Variants in PAIP2 observed in about 807,000 individuals in gnomAD.
PAIP2 encodes polyadenylate-binding protein-interacting protein 2.
A neutral mutation model predicts 14.8 loss-of-function variants in PAIP2; 7 were observed. The observed-to-expected ratio is 0.47, with a 90% CI of 0.27 to 0.89. The LOEUF (loss-of-function observed/expected upper bound fraction) is 0.89, where lower values mean the gene tolerates loss of function less well. Ranked by LOEUF, PAIP2 falls within the 40% of genes least tolerant of loss-of-function variation. PAIP2 has a pLI of 0.13. For missense variants in PAIP2, 122 were observed against 154.7 expected (o/e 0.79, Z 1.12); for synonymous variants, 47 against 45.3 (o/e 1.04, Z -0.15).
intron 1 of PAIP2, among the ~76,000 whole-genome samples, chr5:139,356,109 G>A (rs987787180): frequency 1.3e-5 from 2 of 151,716 alleles, no homozygotes; most frequent in African/African-American, 4.9e-5. Flanking sequence ...TTGCACTCCA[G>A]CCTGGGTGAC....
rs1756561868 is a variant in PAIP2, at chr5:139,346,695, CTA to C, written c.-27+4716_-27+4717del. Among the ~76,000 whole-genome samples the C allele has an allele frequency of 2.0e-5, 3 of 150,582 alleles. No individual in the cohort carries two copies. In the South Asian group the frequency reaches 6.3e-4, roughly 32 times the overall value. On this transcript the variant is annotated intron_variant, in intron 1 of 3. Coordinates refer to ENST00000265192, the MANE Select transcript of PAIP2 (RefSeq NM_016480.5). ...TACAAGCGTGCACCTCCATGTCCAG[CTA>C]ATTTTTGCATTTTTAGAGACGGGGT...
chr5:139,354,543 T>G lies in PAIP2; in HGVS notation c.-26-9216T>G, dbSNP rs569454231. Among the ~76,000 whole-genome samples the G allele has an allele frequency of 1.5e-4, 23 of 152,298 alleles. No homozygotes were observed. The Middle Eastern group carries it at 0.01, about 68-fold the overall frequency. ...AATTGAGCTTCTTAGATACATAGATTTGTGTCTTTTTATCAAATTTGGGGA... is the reference window on the plus strand; with the variant it reads ...AATTGAGCTTCTTAGATACATAGATGTGTGTCTTTTTATCAAATTTGGGGA... On this transcript the variant is annotated intron_variant, in intron 1 of 3. Coordinates refer to ENST00000265192, the MANE Select transcript of PAIP2 (RefSeq NM_016480.5).
rs1276608708 is a variant in PAIP2, at chr5:139,341,864, A to C, written c.-143A>C. On this transcript the variant is annotated 5_prime_UTR_variant, in exon 1 of 4. Coordinates refer to ENST00000265192, the MANE Select transcript of PAIP2 (RefSeq NM_016480.5). The stretch of plus-strand genomic sequence containing the variant: ...CTTCCGGGCTGGGGTGTTTGTTTGG[A>C]CTGGAGAAGGGAGGCGGCGGGCGAA... The C allele has an allele frequency of 6.6e-6, 1 of 152,658 alleles. No homozygotes were observed. Among genetic ancestry groups the C allele is most frequent in the African/African-American group, 2.4e-5 (1 of 41,378 alleles). 9.5% of individuals were successfully genotyped at this position (152,658 alleles called of 1,614,324 possible).
intron 3 of PAIP2, among the ~76,000 whole-genome samples, chr5:139,368,245 C>G (rs1757410796): frequency 1.3e-5 from 2 of 151,582 alleles, no homozygotes; most frequent in African/African-American, 4.8e-5. Context: ...GGATGAGAGA[C>G]AGGAGAATGG....
chr5:139,352,758 A>G (rs1756785611), intron 1 of PAIP2, among the ~76,000 whole-genome samples: 1 of 151,028 alleles, frequency 6.6e-6, no homozygotes, highest in Non-Finnish European at 1.5e-5. Context: ...GGCATGAGCC[A>G]CCACGCCCAG....
chr5:139,358,194 A>G (rs1756971646), intron 1 of PAIP2, among the ~76,000 whole-genome samples: 1 of 152,170 alleles, frequency 6.6e-6, no homozygotes, highest in Non-Finnish European at 1.5e-5. Context: ...ACTGTTCACT[A>G]GTTGTGTAAC....
chr5:139,366,576 ATTAC>A (rs1205045444), intron 3 of PAIP2, among the ~76,000 whole-genome samples: 1 of 152,156 alleles, frequency 6.6e-6, no homozygotes, highest in Non-Finnish European at 1.5e-5. Context: ...GGGGGGTATG[ATTAC>A]TTACGGCTAC....
intron 3 of PAIP2, among the ~76,000 whole-genome samples, chr5:139,368,253 T>C (rs1212230302): frequency 6.6e-6 from 1 of 151,520 alleles, no homozygotes; most frequent in Non-Finnish European, 1.5e-5. Flanking sequence ...GACAGGAGAA[T>C]GGTGTGAACC....
At chr5:139,359,255 G>C (rs575545963) in intron 1 of PAIP2, among the ~76,000 whole-genome samples, 1 of 152,270 alleles carries the variant, frequency 6.6e-6, no homozygotes, top group South Asian at 2.1e-4. Context: ...TCCTGCCTCA[G>C]CCTCCTGTGT....
At position 139,343,136 on chromosome 5, in the gene PAIP2, A is replaced by T. The variant is rs1195302907; in HGVS notation, c.-27+1156A>T. ...GCAATAAGTAAAAGTTCTCTACAATAATTTTTAATGAGACTCCACTATTTG... is the reference window on the plus strand; with the variant it reads ...GCAATAAGTAAAAGTTCTCTACAATTATTTTTAATGAGACTCCACTATTTG... On this transcript the variant is annotated intron_variant, in intron 1 of 3. Transcript: ENST00000265192. 2.0e-5 allele frequency: 3 copies of T among 152,192 alleles called. No homozygotes were observed. In the East Asian group the frequency reaches 5.8e-4, roughly 29 times the overall value. 9.4% of individuals were successfully genotyped at this position (152,192 alleles called of 1,614,324 possible).
At chr5:139,366,217 A>AAAAAAAAAAAAAG (rs1757242232) in intron 3 of PAIP2, among the ~76,000 whole-genome samples, 1 of 151,662 alleles carries the variant, frequency 6.6e-6, no homozygotes, top group Non-Finnish European at 1.5e-5. Flanking sequence ...AAAAAAAAAA[A>AAAAAAAAAAAAAG]AAAAAAAGCG....
In PAIP2 at chr5:139,347,058, C is replaced by G. The variant is rs539002980; in HGVS notation, c.-27+5078C>G. 2.0e-5 allele frequency among the ~76,000 whole-genome samples: 3 copies of G among 152,290 alleles called. No homozygotes were observed. The South Asian group carries it at 6.2e-4, about 32-fold the overall frequency. On this transcript the variant is annotated intron_variant, in intron 1 of 3. Coordinates refer to ENST00000265192, the MANE Select transcript of PAIP2 (RefSeq NM_016480.5). ...TCCTCACCTCAAGTGATCCACCTCC[C>G]TTGGCCTCCTAAAGTGCTAGGATTA...
chr5:139,357,412 A>G (rs889524744), intron 1 of PAIP2, among the ~76,000 whole-genome samples: 1 of 152,144 alleles, frequency 6.6e-6, no homozygotes, highest in African/African-American at 2.4e-5. Context: ...CGTTATTGCT[A>G]CTATATTTAC....
chr5:139,346,322 A>C (rs950247903), intron 1 of PAIP2, among the ~76,000 whole-genome samples: 2 of 152,056 alleles, frequency 1.3e-5, no homozygotes, highest in African/African-American at 4.8e-5. Context: ...GCTCACTGCA[A>C]CCTCCGCCTC....
intron 3 of PAIP2, 53 bp downstream of exon 3, chr5:139,364,796 G>A (rs576665809): frequency 1.7e-6 from 2 of 1,181,156 alleles, no homozygotes; most frequent in Non-Finnish European, 1.2e-6. Flanking sequence ...TTGCATAAGT[G>A]GAAAAGCCAG....
chr5:139,354,441 T>C (rs1252673219), intron 1 of PAIP2, among the ~76,000 whole-genome samples: 2 of 152,194 alleles, frequency 1.3e-5, no homozygotes, highest in African/African-American at 4.8e-5. Context: ...GTTTTCAAGA[T>C]GCTCTCTTTG....
chr5:139,359,997 C>T lies in PAIP2; in HGVS notation c.-26-3762C>T, dbSNP rs555871292. On this transcript the variant is annotated intron_variant, in intron 1 of 3. Coordinates refer to ENST00000265192, the MANE Select transcript of PAIP2 (RefSeq NM_016480.5). ...TTTTCTTTTTTTTGAGATGTAGTCGCGCTCTGTTGCCCAGGCCAGAGTGCA... is the reference window on the plus strand; with the variant it reads ...TTTTCTTTTTTTTGAGATGTAGTCGTGCTCTGTTGCCCAGGCCAGAGTGCA... Among the ~76,000 whole-genome samples, 14 of 152,120 alleles carry T rather than the reference C, an allele frequency of 9.2e-5. No individual in the cohort carries two copies. The East Asian group carries it at 1.2e-3, about 13-fold the overall frequency.
chr5:139,360,013 C>T (rs773390332), intron 1 of PAIP2, among the ~76,000 whole-genome samples: 5 of 152,096 alleles, frequency 3.3e-5, no homozygotes, highest in Non-Finnish European at 5.9e-5. Context: ...GTTGCCCAGG[C>T]CAGAGTGCAG....
intron 1 of PAIP2, among the ~76,000 whole-genome samples, chr5:139,350,713 CAAAA>C (rs551022113): frequency 2.7e-5 from 4 of 147,872 alleles, no homozygotes; most frequent in East Asian, 3.9e-4. Flanking sequence ...AATGGTTAAG[CAAAA>C]AAAAAGAAGA....
Sources: gnomAD v4.1 joint callset for allele counts (sites outside exome capture counted in the v4.1 genomes callset) on GRCh38, gnomAD v4.1.1 for gene constraint, MANE v1.5 for transcripts, NCBI Gene and HGNC (gene_info 2026-07-23, HGNC 2026-07-21) for gene names.